Variants in CNGB3 observed in about 807,000 individuals in gnomAD.
CNGB3 encodes the protein cyclic nucleotide-gated channel beta-3.
In CNGB3, 86 loss-of-function variants were observed where a neutral mutation model predicts 92.8. The observed-to-expected ratio is 0.93, with a 90% CI of 0.78 to 1.11. CNGB3 has a LOEUF of 1.11. Among genes scored for constraint, CNGB3 ranks in the 50% least tolerant of loss-of-function variants. The pLI, the probability that CNGB3 is intolerant of heterozygous loss-of-function variation, is 0.00. For missense variants in CNGB3, 1,026 were observed against 956.8 expected (o/e 1.07, Z -0.95); for synonymous variants, 333 against 332.7 (o/e 1.00, Z -0.01).
chr8:86,665,423 A>G (rs1406546275), intron 6 of CNGB3, among the ~76,000 whole-genome samples: 1 of 152,226 alleles, frequency 6.6e-6, no homozygotes, highest in Non-Finnish European at 1.5e-5. Context: ...CTGGGTATAT[A>G]TCCAAAAGAA....
intron 3 of CNGB3, among the ~76,000 whole-genome samples, chr8:86,726,060 C>A (rs957765846): frequency 3.3e-5 from 5 of 152,108 alleles, no homozygotes; most frequent in Non-Finnish European, 5.9e-5. Flanking sequence ...TAAAGATGTT[C>A]CAGTTCTGTA....
At chr8:86,729,421 G>T (rs1037742683) in intron 2 of CNGB3, among the ~76,000 whole-genome samples, 2 of 152,094 alleles carry the variant, frequency 1.3e-5, no homozygotes, top group Non-Finnish European at 2.9e-5. Context: ...GTAGATCTTA[G>T]CAACTTACCA....
At chr8:86,660,458 T>C (rs901192872) in intron 6 of CNGB3, 1 of 512,526 alleles carries the variant, frequency 2.0e-6, no homozygotes, top group African/African-American at 1.9e-5. Context: ...TCCAAGCCCA[T>C]TGGTCAATGA....
chr8:86,642,138 A>T (rs995185913), intron 10 of CNGB3, among the ~76,000 whole-genome samples: 1 of 151,446 alleles, frequency 6.6e-6, no homozygotes, highest in Non-Finnish European at 1.5e-5. Flanking sequence ...GTCCCTAGAA[A>T]CTCCACAGAG....
In CNGB3 at chr8:86,596,934, C is replaced by T. The variant is rs184908822; in HGVS notation, c.1781+7159G>A. ...AGCAAACTATCACAAGGAAAGAAAACCAAACACCACATGTTCTCACTCATA... is the reference window on the plus strand; with the variant it reads ...AGCAAACTATCACAAGGAAAGAAAATCAAACACCACATGTTCTCACTCATA... On this transcript the variant is annotated intron_variant, in intron 15 of 17. Transcript: ENST00000320005. Among the ~76,000 whole-genome samples the T allele has an allele frequency of 6.8e-3, 1,037 of 151,970 alleles. 16 individuals are homozygous for T. Among genetic ancestry groups the T allele is most frequent in the African/African-American group, 0.024 (977 of 41,418 alleles).
intron 6 of CNGB3, among the ~76,000 whole-genome samples, chr8:86,655,326 T>C (rs548234880): frequency 6.6e-6 from 1 of 152,134 alleles, no homozygotes; most frequent in Non-Finnish European, 1.5e-5. Context: ...TCCACATGAT[T>C]TTAAGGAAAA....
intron 6 of CNGB3, chr8:86,661,975 C>T (rs962751990): frequency 2.0e-5 from 10 of 501,720 alleles, no homozygotes; most frequent in South Asian, 6.0e-5. Flanking sequence ...TCCTGGCCTC[C>T]GTGGTGTCTT....
Position 86,680,666 on chromosome 8 carries a change from G to A in CNGB3, c.339-9568C>T, listed in dbSNP as rs142792331. On this transcript the variant is annotated intron_variant, in intron 3 of 17. Coordinates refer to ENST00000320005, the MANE Select transcript of CNGB3 (RefSeq NM_019098.5). ...GATGGCAACAATCAAAAGGAATGGG[G>A]GACTCTATGCCCAGACAGTGAGTTG... 2.0e-3 allele frequency among the ~76,000 whole-genome samples: 304 copies of A among 152,202 alleles called. 2 individuals carry two copies. The East Asian group carries it at 0.022, about 11-fold the overall frequency.
At chr8:86,687,243 A>G (rs1270143638) in intron 3 of CNGB3, among the ~76,000 whole-genome samples, 1 of 152,090 alleles carries the variant, frequency 6.6e-6, no homozygotes, top group Non-Finnish European at 1.5e-5. Context: ...AAAATTAACC[A>G]TAGAATATTC....
intron 10 of CNGB3, among the ~76,000 whole-genome samples, chr8:86,635,776 A>C (rs374225028): frequency 5.6e-5 from 8 of 144,048 alleles, no homozygotes; most frequent in African/African-American, 1.8e-4. Context: ...TAACACATGA[A>C]GTATCTAATT....
At chr8:86,667,211 G>C in intron 5 of CNGB3, 78 bp from the exon 6 acceptor site, 3 of 1,240,690 alleles carry the variant, frequency 2.4e-6, no homozygotes, top group Non-Finnish European at 2.3e-6. Flanking sequence ...GTTTGGGGAG[G>C]TTGGGGCACT....
In CNGB3 at chr8:86,579,153, A is replaced by G. The variant is rs1246579116; in HGVS notation, c.1881T>C (p.Ile627=). 3.1e-6 allele frequency: 5 copies of G among 1,613,886 alleles called. No individual in the cohort carries two copies. The African/African-American group carries it at 6.7e-5, about 22-fold the overall frequency. ...TTTCAGAATCTGGATAATGCACTAGAATTTCTTGGAGGGTCTTTTTGTCTA... is the reference window on the plus strand; with the variant it reads ...TTTCAGAATCTGGATAATGCACTAGGATTTCTTGGAGGGTCTTTTTGTCTA... ...LTLDKKTLQE[I]LVHYPDSERI... Residue 627 remains isoleucine, a synonymous_variant, in exon 16 of 18, where the codon ATT becomes ATC. Coordinates refer to ENST00000320005, the MANE Select transcript of CNGB3 (RefSeq NM_019098.5).
At chr8:86,604,982 C>T (rs573672294) in intron 14 of CNGB3, among the ~76,000 whole-genome samples, 38 of 152,214 alleles carry the variant, frequency 2.5e-4, no homozygotes, top group East Asian at 2.3e-3. Flanking sequence ...CAGCTATATG[C>T]GCCATTTAAG....
At position 86,593,601 on chromosome 8, in the gene CNGB3, G is replaced by T. The variant is rs1253277253; in HGVS notation, c.1781+10492C>A. Among the ~76,000 whole-genome samples, 4 of 152,196 alleles carry T rather than the reference G, an allele frequency of 2.6e-5. No individual in the cohort carries two copies. In the East Asian group the frequency reaches 7.7e-4, roughly 29 times the overall value. On this transcript the variant is annotated intron_variant, in intron 15 of 17. Coordinates refer to ENST00000320005, the MANE Select transcript of CNGB3 (RefSeq NM_019098.5). ...TCTTTATTGCCACTAGGTACAAATG[G>T]CCATGAGAGGTGGTGGCTATAAGGG...
intron 17 of CNGB3, among the ~76,000 whole-genome samples, chr8:86,578,025 T>A (rs895945931): frequency 1.3e-5 from 2 of 152,258 alleles, no homozygotes; most frequent in Admixed American, 1.3e-4. Flanking sequence ...TTCTCTTGCC[T>A]CAGCCTCCCA....
intron 3 of CNGB3, among the ~76,000 whole-genome samples, chr8:86,723,356 C>T (rs1160431985): frequency 1.3e-5 from 2 of 152,122 alleles, no homozygotes; most frequent in African/African-American, 2.4e-5. Flanking sequence ...TTCCTGCAAT[C>T]AATCAAATAC....
At chr8:86,647,599 A>T (rs1183153992) in intron 8 of CNGB3, among the ~76,000 whole-genome samples, 1 of 151,054 alleles carries the variant, frequency 6.6e-6, no homozygotes, top group Non-Finnish European at 1.5e-5. Flanking sequence ...ACCAGGAGCA[A>T]CTTTCACCAG....
chr8:86,621,688 C>T (rs1822730925), intron 13 of CNGB3, among the ~76,000 whole-genome samples: 2 of 152,058 alleles, frequency 1.3e-5, no homozygotes, highest in African/African-American at 4.8e-5. Flanking sequence ...TTCTTATGCC[C>T]CTGCATCCTC....
At chr8:86,663,840 T>C (rs982771596) in intron 6 of CNGB3, among the ~76,000 whole-genome samples, 1 of 152,260 alleles carries the variant, frequency 6.6e-6, no homozygotes, top group Non-Finnish European at 1.5e-5. Flanking sequence ...CTTATGATAA[T>C]GCATTTTAAA....
Sources: gnomAD v4.1 joint callset for allele counts (sites outside exome capture counted in the v4.1 genomes callset) on GRCh38, gnomAD v4.1.1 for gene constraint, MANE v1.5 for transcripts, NCBI Gene and HGNC (gene_info 2026-07-23, HGNC 2026-07-21) for gene names.